The following DNMT1 variants were observed in gnomAD, a reference collection of about 807,000 sequenced individuals.
The protein encoded by DNMT1 is DNA (cytosine-5)-methyltransferase 1.
DNMT1 carries 24 observed loss-of-function variants against 205.3 expected under a neutral mutation model. That is an observed-to-expected ratio of 0.12 (90% CI 0.08 to 0.16). The LOEUF (loss-of-function observed/expected upper bound fraction) is 0.16, where lower values mean the gene tolerates loss of function less well. Ranked by LOEUF, DNMT1 falls within the 10% of genes least tolerant of loss-of-function variation. The pLI is 1.00. For synonymous variants in DNMT1, 817 were observed against 839.8 expected, an observed-to-expected ratio of 0.97 and a Z score of 0.47; for missense variants, 1,293 against 2,177.7, an observed-to-expected ratio of 0.59 and a Z score of 8.09.
intron 17 of DNMT1, among the ~76,000 whole-genome samples, chr19:10,158,061 G>T (rs145696748): frequency 1.3e-5 from 2 of 152,316 alleles, no homozygotes; most frequent in East Asian, 3.9e-4. Flanking sequence ...GTGTCCTCCA[G>T]GCCACCATCC....
At chr19:10,148,786 G>A (rs1370080302) in intron 27 of DNMT1, 98 bp downstream of exon 27, 22 of 1,599,310 alleles carry the variant, frequency 1.4e-5, no homozygotes, top group African/African-American at 2.7e-5. Flanking sequence ...CAAACTGGGG[G>A]GCCGTTGGCG....
rs752496910 is a variant in DNMT1, at chr19:10,133,627, G to T, written c.*40C>A. ...AAACACAACATCAGTGCATGTTGGG[G>T]ATTCCTGGTGCCAGAAACAGGGGTG... is the stretch of plus-strand genomic sequence containing the variant. On this transcript the variant is annotated 3_prime_UTR_variant, in exon 41 of 41. Coordinates refer to ENST00000359526, the MANE Select transcript of DNMT1 (RefSeq NM_001130823.3). This position sits in a 1 kb window ranked among gnomAD's most constrained non-coding sequence, Gnocchi z 4.1. The T allele has an allele frequency of 1.4e-5, 22 of 1,585,954 alleles. No individual in the cohort carries two copies. In the East Asian group the frequency reaches 4.6e-4, roughly 33 times the overall value.
chr19:10,183,261 A>G (rs2039116112), intron 1 of DNMT1, among the ~76,000 whole-genome samples: 2 of 151,622 alleles, frequency 1.3e-5, no homozygotes, highest in Non-Finnish European at 2.9e-5. Flanking sequence ...GATTACAGGC[A>G]TGCACCACCA....
chr19:10,143,263 G>A (rs900919751), intron 29 of DNMT1, among the ~76,000 whole-genome samples: 3 of 152,280 alleles, frequency 2.0e-5, no homozygotes, highest in South Asian at 2.1e-4. Context: ...CACCCAGGCC[G>A]GAGTGCAGTG....
intron 13 of DNMT1, 76 bp downstream of exon 13, chr19:10,162,591 T>C (rs913950708): frequency 2.7e-6 from 4 of 1,468,790 alleles, no homozygotes; most frequent in Non-Finnish European, 3.6e-6. Context: ...AAGACCAGCC[T>C]GGGCAACATG....
At position 10,137,497 on chromosome 19, in the gene DNMT1, C is replaced by T. The variant is rs1568220320; in HGVS notation, c.4294-217G>A. 1.1e-5 allele frequency: 7 copies of T among 661,270 alleles called. No homozygotes were observed. The highest frequency in any genetic ancestry group is 1.3e-5 in the Non-Finnish European group (5 of 388,882). The allele number at this position is 661,270 out of a possible 1,614,324, so 41.0% of individuals were successfully genotyped here. On this transcript the variant is annotated intron_variant, in intron 36 of 40. Transcript: ENST00000359526. This position sits in a 1 kb window ranked among gnomAD's most constrained non-coding sequence, Gnocchi z 6.4. ...GAGAGCGTGGGAATCTAAGCTGAGC[C>T]TTTAGGGTGGGGGAAGGGGAGTGGT...
At chr19:10,180,017 AAG>A (rs756824358) in intron 5 of DNMT1, 168 bp downstream of exon 5, 6 of 273,300 alleles carry the variant, frequency 2.2e-5, no homozygotes, top group South Asian at 1.0e-4. Context: ...GAAAGAAAGA[AAG>A]AGAGTTAAGC....
intron 11 of DNMT1, among the ~76,000 whole-genome samples, chr19:10,165,298 G>A (rs2038665769): frequency 6.6e-6 from 1 of 152,158 alleles, no homozygotes; most frequent in African/African-American, 2.4e-5. Context: ...GGCTCTTAGA[G>A]CTTTGGGAGG....
intron 1 of DNMT1, among the ~76,000 whole-genome samples, chr19:10,187,675 G>A (rs2039218076): frequency 6.6e-6 from 1 of 151,806 alleles, no homozygotes; most frequent in Non-Finnish European, 1.5e-5. Context: ...TTTGAGACCA[G>A]CCTGGGCAAC....
intron 9 of DNMT1, among the ~76,000 whole-genome samples, chr19:10,172,196 AC>A (rs1599386094): frequency 6.6e-6 from 1 of 151,458 alleles, no homozygotes; most frequent in East Asian, 2.0e-4. Context: ...CAGGTGGATC[AC>A]CTGAGATTGG....
intron 1 of DNMT1, among the ~76,000 whole-genome samples, chr19:10,185,637 G>A (rs1054960795): frequency 5.9e-5 from 9 of 151,758 alleles, no homozygotes; most frequent in Non-Finnish European, 1.2e-4. Flanking sequence ...GACCAGCCTG[G>A]GCTACACTGA....
chr19:10,185,799 C>T (rs1163239658), intron 1 of DNMT1, among the ~76,000 whole-genome samples: 1 of 147,506 alleles, frequency 6.8e-6, no homozygotes, highest in African/African-American at 2.5e-5. Context: ...CACTGCAATC[C>T]AGCCTGTTCA....
chr19:10,166,760 G>C (rs562949222), intron 10 of DNMT1, 75 bp from the exon 11 acceptor site: 1 of 1,511,972 alleles, frequency 6.6e-7, no homozygotes, highest in East Asian at 2.3e-5. Flanking sequence ...CAGCTCCTAA[G>C]GGCTGACACA....
Position 10,159,981 on chromosome 19 carries a change from A to G in DNMT1, c.1089+37T>C, listed in dbSNP as rs1354791524. On this transcript the variant is annotated intron_variant, in intron 15 of 40. Transcript: ENST00000359526. The surrounding 1 kb of genome is among the most constrained non-coding windows in gnomAD (Gnocchi z 5.0). ...GAGAGCAGCTCCCAGCCGCCTCGTGAGCGCCGCCACCGGCTTTATTCCCGG... is the reference window on the plus strand; with the variant it reads ...GAGAGCAGCTCCCAGCCGCCTCGTGGGCGCCGCCACCGGCTTTATTCCCGG... 1 of 1,614,140 alleles carries G rather than the reference A, an allele frequency of 6.2e-7. No homozygotes were observed. Among genetic ancestry groups the G allele is most frequent in the Non-Finnish European group, 8.5e-7 (1 of 1,180,026 alleles).
At position 10,159,993 on chromosome 19, in the gene DNMT1, G is replaced by A. The variant is rs751308895; in HGVS notation, c.1089+25C>T. 2.8e-5 allele frequency: 45 copies of A among 1,614,072 alleles called. No individual in the cohort carries two copies. The Middle Eastern group carries it at 4.9e-4, about 18-fold the overall frequency. ...CAGCCGCCTCGTGAGCGCCGCCACC[G>A]GCTTTATTCCCGGCAGATGTTTACC... On this transcript the variant is annotated intron_variant, in intron 15 of 40. Transcript: ENST00000359526. This position sits in a 1 kb window ranked among gnomAD's most constrained non-coding sequence, Gnocchi z 5.0.
rs1466263850 is a variant in DNMT1, at chr19:10,138,876, G to T, written c.3949-271C>A. On this transcript the variant is annotated intron_variant, in intron 34 of 40. Coordinates refer to ENST00000359526, the MANE Select transcript of DNMT1 (RefSeq NM_001130823.3). This position sits in a 1 kb window ranked among gnomAD's most constrained non-coding sequence, Gnocchi z 4.1. Reference sequence around the variant, plus strand: ...AAGTCCGGCCAGCTCTGAAAGCACTGCAAGGGCCCCAAGGTCTTAGCACTC... The same window carrying T: ...AAGTCCGGCCAGCTCTGAAAGCACTTCAAGGGCCCCAAGGTCTTAGCACTC... Among the ~76,000 whole-genome samples, 1 of 152,202 alleles carries T rather than the reference G, an allele frequency of 6.6e-6. No homozygotes were observed. Among genetic ancestry groups the T allele is most frequent in the African/African-American group, 2.4e-5 (1 of 41,452 alleles).
rs923613590 is a variant in DNMT1 at position 10,142,154 on chromosome 19, G to A, written c.3183C>T (p.Ser1061=). The A allele has an allele frequency of 6.8e-6, 11 of 1,614,010 alleles. No homozygotes were observed. Among genetic ancestry groups the A allele is most frequent in the Middle Eastern group, 1.6e-4 (1 of 6,062 alleles). ...TGAAGTCCACCACGGCCTCCTCGTC[G>A]CTCCAGTAGAGCAGGTTGATGTCTG... ...YHADINLLYW[S]DEEAVVDFKA... The change falls in exon 30 of 41, where the codon AGC becomes AGT. Residue 1061 remains serine, a synonymous_variant. Coordinates refer to ENST00000359526, the MANE Select transcript of DNMT1 (RefSeq NM_001130823.3).
Position 10,149,874 on chromosome 19 carries a change from G to A in DNMT1, c.2360C>T (p.Ser787Leu). Residue 787 changes from serine (S) to leucine (L), a missense_variant, in exon 25 of 41, where the codon TCA becomes TTA. Ser to Leu is a moderately radical substitution (Grantham distance 145). Around this residue, in one of 13 missense-constraint regions of DNMT1, gnomAD observed 197 missense variants for 353.6 expected, o/e 0.56. Transcript: ENST00000359526. The part of the protein sequence containing the change: ...DCVSVIPDDS[S>L]KPLYLARVTA... ...AAACCTTGCTAGATACAGCGGTTTT[G>A]AGGAATCATCTGGAATAACAGAGAC... The A allele has an allele frequency of 6.2e-7, 1 of 1,614,208 alleles. No homozygotes were observed. The highest frequency in any genetic ancestry group is 8.5e-7 in the Non-Finnish European group (1 of 1,180,038).
At chr19:10,168,700 GT>G (rs3214543) in intron 9 of DNMT1, among the ~76,000 whole-genome samples, 20,355 of 152,176 alleles carry the variant, frequency 0.13, 1,953 homozygotes, top group East Asian at 0.4. Context: ...CTTGTCATCA[GT>G]TAAGTGTTGA....
Sources: gnomAD v4.1 joint callset for allele counts (sites outside exome capture counted in the v4.1 genomes callset) on GRCh38, gnomAD v4.1.1 for gene constraint, gnomAD v4.1.1 regional missense constraint, Gnocchi (gnomAD v3.1) non-coding constraint, MANE v1.5 for transcripts, NCBI Gene and HGNC (gene_info 2026-07-23, HGNC 2026-07-21) for gene names.